IFT88: variants seen among roughly 807,000 people sequenced by gnomAD.
IFT88 encodes the protein intraflagellar transport protein 88 homolog.
IFT88 carries 74 observed loss-of-function variants against 119.5 expected under a neutral mutation model. The observed-to-expected ratio is 0.62, with a 90% CI of 0.51 to 0.75. The LOEUF (loss-of-function observed/expected upper bound fraction) is 0.75. IFT88 is among the 30% of genes least tolerant of loss of function. The pLI, the probability that IFT88 is intolerant of heterozygous loss-of-function variation, is 0.00. For synonymous variants in IFT88, 279 were observed against 316.7 expected, an observed-to-expected ratio of 0.88 and a Z score of 1.26; for missense variants, 961 against 977.7, an observed-to-expected ratio of 0.98 and a Z score of 0.23.
intron 16 of IFT88, among the ~76,000 whole-genome samples, chr13:20,635,408 A>AT (rs1385972683): frequency 6.6e-6 from 1 of 152,154 alleles, no homozygotes; most frequent in Non-Finnish European, 1.5e-5. Flanking sequence ...AAGGGGAGGG[A>AT]TGGAGGCACA....
intron 13 of IFT88, among the ~76,000 whole-genome samples, chr13:20,607,096 G>A (rs1454544802): frequency 2.0e-5 from 3 of 152,170 alleles, no homozygotes; most frequent in Admixed American, 2.0e-4. Flanking sequence ...TGGTCAACTA[G>A]GTGATCCTGA....
At chr13:20,634,116 C>T (rs945869281) in intron 16 of IFT88, among the ~76,000 whole-genome samples, 1 of 152,168 alleles carries the variant, frequency 6.6e-6, no homozygotes, top group Non-Finnish European at 1.5e-5. Context: ...TCCCAGCCTT[C>T]TCAGGTGGGA....
intron 24 of IFT88, among the ~76,000 whole-genome samples, chr13:20,677,438 A>T (rs1395390064): frequency 6.6e-6 from 1 of 152,206 alleles, no homozygotes; most frequent in East Asian, 1.9e-4. Context: ...TAAGGTCATT[A>T]CTTTCTTGGA....
chr13:20,679,092 T>G (rs2141132533), intron 24 of IFT88, among the ~76,000 whole-genome samples: 1 of 152,304 alleles, frequency 6.6e-6, no homozygotes, highest in Non-Finnish European at 1.5e-5. Flanking sequence ...TTTAAATGTC[T>G]CCTAACTCTT....
chr13:20,608,341 C>T (rs923088054), intron 13 of IFT88, among the ~76,000 whole-genome samples: 11 of 152,332 alleles, frequency 7.2e-5, no homozygotes, highest in Admixed American at 3.9e-4. Flanking sequence ...GCAGCACAGA[C>T]GGCTGTGGGC....
intron 2 of IFT88, among the ~76,000 whole-genome samples, chr13:20,576,108 C>A (rs2037333570): frequency 1.3e-5 from 2 of 152,210 alleles, no homozygotes; most frequent in South Asian, 4.1e-4. Flanking sequence ...ATTTCCATTT[C>A]TCTGATGGTC....
At chr13:20,625,885 AT>A (rs2047213490) in intron 15 of IFT88, 36 bp downstream of exon 15, 1 of 1,102,462 alleles carries the variant, frequency 9.1e-7, no homozygotes, top group East Asian at 2.4e-5. Context: ...GGAATTCCAT[AT>A]CTTAATTGGT....
intron 22 of IFT88, among the ~76,000 whole-genome samples, chr13:20,659,724 A>C (rs775542116): frequency 1.3e-5 from 2 of 151,670 alleles, no homozygotes; most frequent in Non-Finnish European, 2.9e-5. Context: ...GCTCACTGCA[A>C]CCTCTGCTGT....
At chr13:20,684,650 A>G (rs1243169519) in intron 24 of IFT88, among the ~76,000 whole-genome samples, 1 of 152,156 alleles carries the variant, frequency 6.6e-6, no homozygotes, top group Non-Finnish European at 1.5e-5. Flanking sequence ...GTATTTCTCT[A>G]CCACACTAAA....
At chr13:20,630,385 G>T (rs1454994885) in intron 15 of IFT88, among the ~76,000 whole-genome samples, 1 of 152,250 alleles carries the variant, frequency 6.6e-6, no homozygotes, top group Non-Finnish European at 1.5e-5. Flanking sequence ...CTCTGTCAAA[G>T]AATGGTCTTC....
chr13:20,568,291 T>C (rs1440063961), intron 1 of IFT88, among the ~76,000 whole-genome samples: 1 of 152,234 alleles, frequency 6.6e-6, no homozygotes, highest in East Asian at 1.9e-4. Context: ...GCTTTGGAAA[T>C]TGCCTGGAGA....
chr13:20,616,254 T>C (rs1472557790), intron 14 of IFT88, among the ~76,000 whole-genome samples: 1 of 152,176 alleles, frequency 6.6e-6, no homozygotes, highest in East Asian at 1.9e-4. Flanking sequence ...AACAAACCTA[T>C]GCTGCCAGTT....
In IFT88 at chr13:20,587,538, A is replaced by G. The variant is rs148064120; in HGVS notation, c.154-2273A>G. On this transcript the variant is annotated intron_variant, in intron 3 of 25. Coordinates refer to ENST00000351808, the MANE Select transcript of IFT88 (RefSeq NM_006531.5). ...GTCCCAAAGTGCTGGGATTACAAGC[A>G]TGAGCCACTGCGTCTGGCCTACTGG... Among the ~76,000 whole-genome samples, 248 of 152,316 alleles carry G rather than the reference A, an allele frequency of 1.6e-3. No individual in the cohort carries two copies. The Middle Eastern group carries it at 0.024, about 15-fold the overall frequency.
At chr13:20,682,171 G>A (rs550848340) in intron 24 of IFT88, among the ~76,000 whole-genome samples, 1 of 152,302 alleles carries the variant, frequency 6.6e-6, no homozygotes, top group East Asian at 1.9e-4. Context: ...TCCTACCAGA[G>A]TAGCAATTTG....
intron 24 of IFT88, among the ~76,000 whole-genome samples, chr13:20,682,091 T>TTTTTTGTTAG: frequency 6.6e-6 from 1 of 152,358 alleles, no homozygotes; most frequent in Middle Eastern, 3.4e-3. Context: ...TGTGTTAGTG[T>TTTTTTGTTAG]TTTTGTAAGA....
intron 2 of IFT88, among the ~76,000 whole-genome samples, chr13:20,574,760 A>C (rs1360755472): frequency 6.6e-6 from 1 of 152,226 alleles, no homozygotes; most frequent in Non-Finnish European, 1.5e-5. Flanking sequence ...AGATCACCTG[A>C]AAGTATTTAA....
At chr13:20,585,066 C>T (rs2039416143) in intron 3 of IFT88, among the ~76,000 whole-genome samples, 1 of 152,208 alleles carries the variant, frequency 6.6e-6, no homozygotes, top group Non-Finnish European at 1.5e-5. Context: ...CTCCCGTCCT[C>T]CCTGTCCTAC....
In IFT88 at chr13:20,595,545, C is replaced by A. The variant is rs566619334; in HGVS notation, c.399-605C>A. On this transcript the variant is annotated intron_variant, in intron 7 of 25. Coordinates refer to ENST00000351808, the MANE Select transcript of IFT88 (RefSeq NM_006531.5). ...CCTCAAGTGATCTACCTGCCTCAGCCTCCCAAAGTGCTGGGATTACAGGCA... is the reference window on the plus strand; with the variant it reads ...CCTCAAGTGATCTACCTGCCTCAGCATCCCAAAGTGCTGGGATTACAGGCA... Among the ~76,000 whole-genome samples, 5 of 152,270 alleles carry A rather than the reference C, an allele frequency of 3.3e-5. No individual in the cohort carries two copies. The South Asian group carries it at 1.0e-3, about 32-fold the overall frequency.
chr13:20,601,365 GAA>G (rs60858876), intron 11 of IFT88, among the ~76,000 whole-genome samples: 129,038 of 143,332 alleles, frequency 0.9, 58,018 homozygotes, highest in South Asian at 0.99. Context: ...GACCCTGTCT[GAA>G]AAAAAAAAAA....
Sources: allele counts gnomAD v4.1 joint callset (sites outside exome capture counted in the v4.1 genomes callset), GRCh38; gene constraint gnomAD v4.1.1; transcripts MANE v1.5; gene names NCBI Gene and HGNC (gene_info 2026-07-23, HGNC 2026-07-21).